MYT1L: variants seen among roughly 807,000 people sequenced by gnomAD.
MYT1L encodes myelin transcription factor 1 like, also known as myelin transcription factor 1-like protein.
A neutral mutation model predicts 126.7 loss-of-function variants in MYT1L; 12 were observed. The observed-to-expected ratio is 0.09, with a 90% CI of 0.06 to 0.15. The LOEUF (loss-of-function observed/expected upper bound fraction) is 0.15, where lower values mean the gene tolerates loss of function less well. MYT1L is among the 10% of genes least tolerant of loss of function. MYT1L has a pLI of 1.00. For missense variants in MYT1L, 979 were observed against 1,585.2 expected (o/e 0.62, Z 6.49); for synonymous variants, 541 against 604.2 (o/e 0.90, Z 1.53).
chr2:2,109,907 A>ATC (rs1237507583), intron 3 of MYT1L, among the ~76,000 whole-genome samples: 2 of 127,672 alleles, frequency 1.6e-5, no homozygotes, highest in African/African-American at 6.0e-5. Context: ...ATATATATAT[A>ATC]TATATATATA....
At chr2:2,251,946 A>G (rs1364098731) in intron 2 of MYT1L, among the ~76,000 whole-genome samples, 2 of 152,150 alleles carry the variant, frequency 1.3e-5, no homozygotes, top group Non-Finnish European at 2.9e-5. Flanking sequence ...AAAAGAAAAA[A>G]AGGGAACGGC....
chr2:1,806,969 C>G lies in MYT1L; in HGVS notation c.3172+2107G>C, dbSNP rs546745458. On this transcript the variant is annotated intron_variant, in intron 22 of 24. Coordinates refer to ENST00000647738, the MANE Select transcript of MYT1L (RefSeq NM_001303052.2). This position sits in a 1 kb window ranked among gnomAD's most constrained non-coding sequence, Gnocchi z 4.9. ...AATGTTTTCTTTCTGGCAAGGAGCACTGCTCCGTAATAACTAGAAAGCGAA... is the reference window on the plus strand; with the variant it reads ...AATGTTTTCTTTCTGGCAAGGAGCAGTGCTCCGTAATAACTAGAAAGCGAA... 1.3e-5 allele frequency among the ~76,000 whole-genome samples: 2 copies of G among 152,358 alleles called. No individual in the cohort carries two copies. The highest frequency in any genetic ancestry group is 4.8e-5 in the African/African-American group (2 of 41,590).
At chr2:1,891,927 G>A (rs958525587) in intron 15 of MYT1L, 110 bp downstream of exon 15, 194 of 1,427,494 alleles carry the variant, frequency 1.4e-4, no homozygotes, top group Middle Eastern at 1.0e-3. Flanking sequence ...AGGAGATCAC[G>A]GCGTTTGCCC....
At chr2:1,915,574 A>G (rs1036419527) in intron 11 of MYT1L, among the ~76,000 whole-genome samples, 33 of 152,248 alleles carry the variant, frequency 2.2e-4, no homozygotes, top group Admixed American at 2.2e-3. Flanking sequence ...CTTTCTTCTT[A>G]AAACACTAGA....
At position 1,923,245 on chromosome 2, in the gene MYT1L, C is replaced by A. The variant is rs752299647; in HGVS notation, c.524G>T (p.Cys175Phe). Residue 175 changes from cysteine to phenylalanine, a missense_variant, in exon 10 of 25, where the codon TGT (cysteine) becomes TTT (phenylalanine). Transcript: ENST00000647738. ...EEENEDHQMN[C>F]HNTRIMQDTE... is the part of the protein sequence containing the mutation. ...GTCTTGCATTATTCGAGTATTGTGA[C>A]AATTCATTTGATGGTCTTCTGCAAA... The A allele has an allele frequency of 1.3e-6, 2 of 1,592,048 alleles. No individual in the cohort carries two copies. Among genetic ancestry groups the A allele is most frequent in the African/African-American group, 2.7e-5 (2 of 74,538 alleles).
rs1181771056 is a variant in MYT1L, at chr2:2,224,426, CTCTT to C, written c.-420-51442_-420-51439del. Among the ~76,000 whole-genome samples the C allele has an allele frequency of 6.6e-6, 1 of 152,178 alleles. No individual in the cohort carries two copies. The highest frequency in any genetic ancestry group is 1.5e-5 in the Non-Finnish European group (1 of 68,032). ...AGCTGGCGAGGTGACAGCCATGCTG[CTCTT>C]TCTAATTGCAAACGTTTGCCAGTGA... On this transcript the variant is annotated intron_variant, in intron 2 of 24. Coordinates refer to ENST00000647738, the MANE Select transcript of MYT1L (RefSeq NM_001303052.2). This position sits in a 1 kb window ranked among gnomAD's most constrained non-coding sequence, Gnocchi z 4.0.
At chr2:2,295,585 C>G (rs1251535402) in intron 1 of MYT1L, among the ~76,000 whole-genome samples, 35 of 50,462 alleles carry the variant, frequency 6.9e-4, no homozygotes, top group African/African-American at 2.0e-3. Context: ...GAGAGAGAGA[C>G]AGACAGACAG....
intron 2 of MYT1L, among the ~76,000 whole-genome samples, chr2:2,241,559 C>T (rs573803455): frequency 6.0e-4 from 92 of 152,278 alleles, no homozygotes; most frequent in Non-Finnish European, 1.3e-3. Context: ...TTTATAGGAA[C>T]ACATAAGACT....
intron 3 of MYT1L, among the ~76,000 whole-genome samples, chr2:2,150,766 A>G (rs1232686144): frequency 2.6e-5 from 4 of 152,066 alleles, no homozygotes; most frequent in Non-Finnish European, 4.4e-5. Flanking sequence ...TGTGAAGAGC[A>G]TATTCTTAAA....
At chr2:2,088,600 G>A (rs1177293765) in intron 3 of MYT1L, among the ~76,000 whole-genome samples, 8 of 151,830 alleles carry the variant, frequency 5.3e-5, no homozygotes, top group Non-Finnish European at 8.8e-5. Flanking sequence ...CTGCACTAAC[G>A]GGTCTGATTC....
At chr2:2,324,820 A>G (rs574273009) in intron 1 of MYT1L, 3 of 152,716 alleles carry the variant, frequency 2.0e-5, no homozygotes, top group African/African-American at 7.2e-5. Context: ...CACTTCCCCA[A>G]ATCCTAAGGT....
intron 5 of MYT1L, among the ~76,000 whole-genome samples, chr2:1,986,967 T>C (rs753347074): frequency 6.6e-6 from 1 of 152,222 alleles, no homozygotes; most frequent in Non-Finnish European, 1.5e-5. Context: ...TCAAGTCAGG[T>C]GCCCTTCAAG....
At chr2:2,011,416 A>T (rs1394059140) in intron 4 of MYT1L, among the ~76,000 whole-genome samples, 1 of 150,172 alleles carries the variant, frequency 6.7e-6, no homozygotes, top group Non-Finnish European at 1.5e-5. Context: ...AAAAGAAAAA[A>T]AAAGAAAAAA....
chr2:2,107,851 C>T (rs567869233), intron 3 of MYT1L, among the ~76,000 whole-genome samples: 2 of 152,106 alleles, frequency 1.3e-5, no homozygotes, highest in Admixed American at 6.5e-5. Flanking sequence ...GAAGGCGGGC[C>T]GCTGCTCTGC....
At chr2:2,193,835 TCTGTATTATTTTAGAG>T (rs754616216) in intron 2 of MYT1L, among the ~76,000 whole-genome samples, 32 of 152,236 alleles carry the variant, frequency 2.1e-4, no homozygotes, top group Admixed American at 3.9e-4. Flanking sequence ...ATCAGCTCCT[TCTGTATTATTTTAGAG>T]CTGGAGAAAT....
chr2:2,213,973 TAAGTG>T (rs1197680117), intron 2 of MYT1L, among the ~76,000 whole-genome samples: 2 of 152,164 alleles, frequency 1.3e-5, no homozygotes, highest in East Asian at 3.8e-4. Flanking sequence ...TTCAAAGAGT[TAAGTG>T]AAGACAGGAG....
At chr2:2,037,788 CA>C (rs970662599) in intron 4 of MYT1L, among the ~76,000 whole-genome samples, 2 of 144,294 alleles carry the variant, frequency 1.4e-5, no homozygotes, top group Non-Finnish European at 3.0e-5. Flanking sequence ...AAAACCCCCC[CA>C]AAAAAACAAA....
intron 8 of MYT1L, among the ~76,000 whole-genome samples, chr2:1,960,869 C>T (rs1203689978): frequency 6.6e-6 from 1 of 152,002 alleles, no homozygotes; most frequent in African/African-American, 2.4e-5. Context: ...GCTTCTCCCG[C>T]AGTGCACCCG....
Position 2,235,245 on chromosome 2 carries a change from T to G in MYT1L, c.-421+49159A>C, listed in dbSNP as rs533598108. Among the ~76,000 whole-genome samples, 13 of 152,182 alleles carry G rather than the reference T, an allele frequency of 8.5e-5. No homozygotes were observed. The East Asian group carries it at 2.3e-3, about 27-fold the overall frequency. On this transcript the variant is annotated intron_variant, in intron 2 of 24. Transcript: ENST00000647738. ...CCTTAGAGGCGTGTGTATAGAGGGCTGTGTGTAGCTGGTTAGCTGGTTAGC... is the reference window on the plus strand; with the variant it reads ...CCTTAGAGGCGTGTGTATAGAGGGCGGTGTGTAGCTGGTTAGCTGGTTAGC...
Sources: allele counts gnomAD v4.1 joint callset (sites outside exome capture counted in the v4.1 genomes callset), GRCh38; gene constraint gnomAD v4.1.1; non-coding constraint Gnocchi (gnomAD v3.1); transcripts MANE v1.5; gene names NCBI Gene and HGNC (gene_info 2026-07-23, HGNC 2026-07-21).